Variants in NRP2 observed in about 807,000 individuals in gnomAD.
NRP2 encodes neuropilin 2, also known as neuropilin-2.
In NRP2, 52 loss-of-function variants were observed where a neutral mutation model predicts 110.4. The observed-to-expected ratio is 0.47, with a 90% CI of 0.38 to 0.59. The LOEUF is 0.59. Ranked by LOEUF, NRP2 falls within the 20% of genes least tolerant of loss-of-function variation. The probability of loss-of-function intolerance (pLI) is 0.00; values close to 1 mark genes in which losing one functional copy is unlikely to be tolerated. For missense variants in NRP2, 1,049 were observed against 1,203.0 expected (o/e 0.87, Z 1.89); for synonymous variants, 508 against 468.9 (o/e 1.08, Z -1.08).
At chr2:205,776,544 G>T (rs2058103927) in intron 15 of NRP2, 1 of 1,601,626 alleles carries the variant, frequency 6.2e-7, no homozygotes, top group Non-Finnish European at 8.5e-7. Context: ...AGCAAGAACA[G>T]CACCCAAAAC....
At chr2:205,778,831 T>C (rs2058139684) in intron 15 of NRP2, 1 of 152,208 alleles carries the variant, frequency 6.6e-6, no homozygotes, top group Non-Finnish European at 1.5e-5. Flanking sequence ...ATGAGACTGC[T>C]CTAATCTTTG....
rs199535645 is a variant in NRP2 at position 205,745,840 on chromosome 2, C to T, written c.1736C>T (p.Ser579Leu). ...GTGCGGGTATACCCGGAGAGGTGGTCGCCGGCGGGGATTGGGATGCGGCTG... is the reference window on the plus strand; with the variant it reads ...GTGCGGGTATACCCGGAGAGGTGGTTGCCGGCGGGGATTGGGATGCGGCTG... The part of the protein sequence containing the change: ...QYVRVYPERW[S>L]PAGIGMRLEV... Residue 579 changes from serine to leucine, a missense_variant, in exon 10 of 17, where the codon TCG (serine) becomes TTG (leucine). Ser to Leu is a moderately radical substitution (Grantham distance 145). Transcript: ENST00000357785. The T allele has an allele frequency of 1.7e-5, 27 of 1,614,044 alleles. No individual in the cohort carries two copies. The highest frequency in any genetic ancestry group is 2.1e-5 in the Non-Finnish European group (25 of 1,180,010).
At chr2:205,705,749 T>C (rs2056662097) in intron 2 of NRP2, among the ~76,000 whole-genome samples, 1 of 152,048 alleles carries the variant, frequency 6.6e-6, no homozygotes, top group African/African-American at 2.4e-5. Context: ...ATAGTAATCG[T>C]GGGGCTGGGT....
At chr2:205,753,207 C>T (rs888508095) in intron 12 of NRP2, among the ~76,000 whole-genome samples, 3 of 152,138 alleles carry the variant, frequency 2.0e-5, no homozygotes, top group African/African-American at 2.4e-5. Flanking sequence ...GAGGGAGAAG[C>T]GGAAGCCAAG....
chr2:205,748,729 T>C lies in NRP2; in HGVS notation c.1787-996T>C, dbSNP rs114524448. On this transcript the variant is annotated intron_variant, in intron 10 of 16. Coordinates refer to ENST00000357785, the MANE Select transcript of NRP2 (RefSeq NM_003872.3). Reference sequence around the variant, plus strand: ...AGAGGGACAAGGCACTGGCATCCTGTTGGAGGACAGCTCTGGGATGAAGAC... The same window carrying C: ...AGAGGGACAAGGCACTGGCATCCTGCTGGAGGACAGCTCTGGGATGAAGAC... Among the ~76,000 whole-genome samples the C allele has an allele frequency of 3.1e-3, 469 of 152,274 alleles. 1 individual carries two copies. Among genetic ancestry groups the C allele is most frequent in the African/African-American group, 0.011 (439 of 41,564 alleles).
rs564466678 is a variant in NRP2 at position 205,772,868 on chromosome 2, C to T, written c.2425+6065C>T. On this transcript the variant is annotated intron_variant, in intron 15 of 16. Coordinates refer to ENST00000357785, the MANE Select transcript of NRP2 (RefSeq NM_003872.3). ...AAGTGGGCACCTTTTTCTAATTTCC[C>T]ATAGAGGTGCCACATGAGCTAGCAA... Among the ~76,000 whole-genome samples the T allele has an allele frequency of 2.6e-5, 4 of 152,302 alleles. No homozygotes were observed. In the South Asian group the frequency reaches 8.3e-4, roughly 32 times the overall value.
intron 1 of NRP2, among the ~76,000 whole-genome samples, chr2:205,696,436 G>C (rs944355794): frequency 6.6e-6 from 1 of 152,180 alleles, no homozygotes; most frequent in Non-Finnish European, 1.5e-5. Context: ...TCTCAGGAAG[G>C]TCTCCGAGAG....
At chr2:205,776,409 C>G (rs1559363838) in intron 15 of NRP2, 13 of 1,613,640 alleles carry the variant, frequency 8.1e-6, no homozygotes, top group Non-Finnish European at 1.1e-5. Flanking sequence ...GCTATGCGGC[C>G]AAGAAGACCG....
chr2:205,763,897 C>A lies in NRP2; in HGVS notation c.2268C>A (p.His756Gln). 1 of 1,614,006 alleles carries A rather than the reference C, an allele frequency of 6.2e-7. No individual in the cohort carries two copies. The highest frequency in any genetic ancestry group is 8.5e-7 in the Non-Finnish European group (1 of 1,179,930). The change falls in exon 13 of 17, where the codon CAC becomes CAA. Residue 756 changes from histidine (H) to glutamine (Q), a missense_variant. Physicochemically the swap from His to Gln is conservative, Grantham distance 24. Transcript: ENST00000357785. The surrounding 1 kb of genome is among the most constrained non-coding windows in gnomAD (Gnocchi z 4.0). Reference sequence around the variant, plus strand: ...AGGACCAGGGCGGCGAGTGGAAGCACGGGCGGATCATCCTGCCCAGCTACG... The same window carrying A: ...AGGACCAGGGCGGCGAGTGGAAGCAAGGGCGGATCATCCTGCCCAGCTACG... Reference protein sequence around the residue: ...IREDQGGEWKHGRIILPSYDM... With the variant: ...IREDQGGEWKQGRIILPSYDM...
rs1219028857 is a variant in NRP2 at position 205,791,705 on chromosome 2, A to T, written c.2426-530A>T. On this transcript the variant is annotated intron_variant, in intron 15 of 16. Transcript: ENST00000357785. ...TTAGCACAGATATGTGAAGGTCAACAGGCATTATGACATGCCTTCCATTTC... is the reference window on the plus strand; with the variant it reads ...TTAGCACAGATATGTGAAGGTCAACTGGCATTATGACATGCCTTCCATTTC... 2.0e-5 allele frequency among the ~76,000 whole-genome samples: 3 copies of T among 152,240 alleles called. No homozygotes were observed. In the East Asian group the frequency reaches 5.8e-4, roughly 29 times the overall value.
At chr2:205,701,538 CAA>C (rs11448123) in intron 2 of NRP2, 15 of 129,064 alleles carry the variant, frequency 1.2e-4, no homozygotes, top group African/African-American at 1.8e-4. Flanking sequence ...GACTCTGTCT[CAA>C]AAAAAAAAAA....
chr2:205,736,274 A>G (rs190687433), intron 7 of NRP2, among the ~76,000 whole-genome samples: 22 of 152,282 alleles, frequency 1.4e-4, no homozygotes, highest in Admixed American at 1.2e-3. Flanking sequence ...ACCGGGAGGC[A>G]GAGGTTGCAG....
intron 1 of NRP2, among the ~76,000 whole-genome samples, chr2:205,690,458 G>A (rs861976): frequency 0.68 from 102,716 of 151,384 alleles, 35,383 homozygotes; most frequent in East Asian, 0.97. Flanking sequence ...TAAAATGGCC[G>A]AGCATGGTGG....
At chr2:205,769,505 TAC>T (rs56837273) in intron 15 of NRP2, among the ~76,000 whole-genome samples, 3,472 of 145,160 alleles carry the variant, frequency 0.024, 98 homozygotes, top group African/African-American at 0.072. Flanking sequence ...TATACATACA[TAC>T]ACACACACAC....
chr2:205,795,185 A>ATTC lies in NRP2; in HGVS notation c.*128_*129insTCT. 3 of 998,124 alleles carry ATTC rather than the reference A, an allele frequency of 3.0e-6. No individual in the cohort carries two copies. Among genetic ancestry groups the ATTC allele is most frequent in the Non-Finnish European group, 4.6e-6 (3 of 655,390 alleles). 61.8% of individuals were successfully genotyped at this position (998,124 alleles called of 1,614,324 possible). ...CAAACCGATCCAGAATACCGAAGGTATGGACAGGACAGAAAAGCGAGTCGC... is the reference window on the plus strand; with the variant it reads ...CAAACCGATCCAGAATACCGAAGGTATTCTGGACAGGACAGAAAAGCGAGTCGC... On this transcript the variant is annotated 3_prime_UTR_variant, in exon 17 of 17. Transcript: ENST00000357785.
chr2:205,784,080 G>A (rs767163430), intron 15 of NRP2, among the ~76,000 whole-genome samples: 2 of 151,018 alleles, frequency 1.3e-5, no homozygotes, highest in Admixed American at 1.3e-4. Flanking sequence ...TAAATATCAC[G>A]AACATTCCCC....
intron 6 of NRP2, among the ~76,000 whole-genome samples, chr2:205,727,350 A>G (rs2057146945): frequency 6.6e-6 from 1 of 152,264 alleles, no homozygotes. Flanking sequence ...GACTCGGTGC[A>G]TAAGCCTAAT....
At chr2:205,789,951 A>G (rs2058280219) in intron 15 of NRP2, among the ~76,000 whole-genome samples, 1 of 152,226 alleles carries the variant, frequency 6.6e-6, no homozygotes, top group African/African-American at 2.4e-5. Context: ...GGTTTTTTGT[A>G]CAAATGTTCC....
At chr2:205,777,310 T>G (rs1032329225) in intron 15 of NRP2, 2 of 195,550 alleles carry the variant, frequency 1.0e-5, no homozygotes, top group African/African-American at 4.7e-5. Context: ...AAGACCCCCT[T>G]GTCTTCTGGT....
Sources: gnomAD v4.1 joint callset for allele counts (sites outside exome capture counted in the v4.1 genomes callset) on GRCh38, gnomAD v4.1.1 for gene constraint, Gnocchi (gnomAD v3.1) non-coding constraint, MANE v1.5 for transcripts, NCBI Gene and HGNC (gene_info 2026-07-23, HGNC 2026-07-21) for gene names.